Variants in ZNF529 observed in about 807,000 individuals in gnomAD.
ZNF529 encodes zinc finger protein 529.
ZNF529 carries 11 observed loss-of-function variants against 10.1 expected under a neutral mutation model. That is an observed-to-expected ratio of 1.09 (90% CI 0.69 to 1.81). The LOEUF (loss-of-function observed/expected upper bound fraction) is 1.81. Ranked by LOEUF, ZNF529 falls within the 40% of genes most tolerant of loss-of-function variation. ZNF529 has a pLI of 0.00. For synonymous variants in ZNF529, 204 were observed against 215.7 expected (o/e 0.95, Z 0.47); for missense variants, 624 against 666.8 (o/e 0.94, Z 0.71).
At chr19:36,597,491 T>C (rs1362540789) in intron 1 of ZNF529, among the ~76,000 whole-genome samples, 2 of 152,146 alleles carry the variant, frequency 1.3e-5, no homozygotes, top group Admixed American at 1.3e-4. Flanking sequence ...ACAACCACAG[T>C]GGAAATGTTT....
intron 1 of ZNF529, among the ~76,000 whole-genome samples, chr19:36,595,343 C>G (rs1487510571): frequency 1.3e-5 from 2 of 152,192 alleles, no homozygotes; most frequent in Non-Finnish European, 2.9e-5. Flanking sequence ...GTCATTTAAT[C>G]CTCATGCAGC....
intron 1 of ZNF529, among the ~76,000 whole-genome samples, chr19:36,596,323 C>T (rs1201488138): frequency 6.6e-6 from 1 of 151,980 alleles, no homozygotes; most frequent in Non-Finnish European, 1.5e-5. Flanking sequence ...CCACCTGCCT[C>T]AGCCTCCTAA....
At chr19:36,561,216 G>A (rs868514969) in intron 2 of ZNF529, among the ~76,000 whole-genome samples, 9 of 152,168 alleles carry the variant, frequency 5.9e-5, no homozygotes, top group Non-Finnish European at 1.0e-4. Flanking sequence ...CCCACATCCC[G>A]GCACAGTGCT....
chr19:36,572,296 C>G, intron 2 of ZNF529, 37 bp downstream of exon 2: 1 of 1,544,372 alleles, frequency 6.5e-7, no homozygotes, highest in Non-Finnish European at 8.7e-7. Context: ...AAGAGAAAAC[C>G]AAGGGACCAG....
chr19:36,599,082 T>C (rs1412943675), intron 1 of ZNF529, among the ~76,000 whole-genome samples: 2 of 152,182 alleles, frequency 1.3e-5, no homozygotes, highest in Non-Finnish European at 2.9e-5. Context: ...AAAAGATCAG[T>C]CTTGTTCCTT....
At chr19:36,600,905 A>G (rs551878582) in intron 1 of ZNF529, among the ~76,000 whole-genome samples, 1 of 152,282 alleles carries the variant, frequency 6.6e-6, no homozygotes, top group South Asian at 2.1e-4. Flanking sequence ...GTTAAAATCA[A>G]TCAGTTCACA....
chr19:36,572,480 A>T, intron 1 of ZNF529, 88 bp from the exon 2 acceptor site: 2 of 951,144 alleles, frequency 2.1e-6, no homozygotes, highest in East Asian at 2.7e-5. Context: ...AGCCCATCAC[A>T]CACAACAAAC....
At chr19:36,584,400 G>T (rs1425070427) in intron 2 of ZNF529, among the ~76,000 whole-genome samples, 1 of 152,106 alleles carries the variant, frequency 6.6e-6, no homozygotes, top group Non-Finnish European at 1.5e-5. Context: ...ATATGTTGGG[G>T]ATTCTGTTTA....
Position 36,573,251 on chromosome 19 carries a change from G to A in ZNF529, c.-158C>T, listed in dbSNP as rs1369608970. 6.5e-6 allele frequency: 2 copies of A among 308,092 alleles called. No homozygotes were observed. The highest frequency in any genetic ancestry group is 1.3e-5 in the Non-Finnish European group (2 of 148,892). The allele number at this position is 308,092 out of a possible 1,614,324, so 19.1% of individuals were successfully genotyped here. Reference sequence around the variant, plus strand: ...CACCGCGAGCTCCTCCCGCAGCCCGGCCCGGGTCACCTCGACTCGCCAGGC... The same window carrying A: ...CACCGCGAGCTCCTCCCGCAGCCCGACCCGGGTCACCTCGACTCGCCAGGC... On this transcript the variant is annotated 5_prime_UTR_variant, in exon 1 of 5. Transcript: ENST00000591340.
chr19:36,554,545 T>C, intron 4 of ZNF529, 125 bp downstream of exon 4: 1 of 812,488 alleles, frequency 1.2e-6, no homozygotes, highest in Non-Finnish European at 1.7e-6. Context: ...GTCACTGCAC[T>C]CCAACCTGGG....
chr19:36,601,486 A>G (rs2036922923), intron 1 of ZNF529, among the ~76,000 whole-genome samples: 1 of 152,096 alleles, frequency 6.6e-6, no homozygotes, highest in South Asian at 2.1e-4. Context: ...CAGGAGTTCC[A>G]GGCTGTAGTG....
At chr19:36,559,351 C>A (rs1057274687) in intron 2 of ZNF529, among the ~76,000 whole-genome samples, 1 of 152,244 alleles carries the variant, frequency 6.6e-6, no homozygotes, top group African/African-American at 2.4e-5. Context: ...CTCTTTCACC[C>A]ACGGTGGAGT....
At chr19:36,571,619 GAACTGA>G (rs2036113572) in intron 2 of ZNF529, among the ~76,000 whole-genome samples, 2 of 148,486 alleles carry the variant, frequency 1.3e-5, no homozygotes, top group African/African-American at 5.0e-5. Flanking sequence ...AGGTTGCAGT[GAACTGA>G]GATCGCACCA....
At chr19:36,587,148 C>A (rs1296156935) in intron 2 of ZNF529, among the ~76,000 whole-genome samples, 2 of 151,940 alleles carry the variant, frequency 1.3e-5, no homozygotes, top group African/African-American at 4.8e-5. Context: ...ACCTGTAATC[C>A]CAGCTACTCA....
chr19:36,558,954 T>A (rs1344871739), intron 2 of ZNF529, among the ~76,000 whole-genome samples: 2 of 150,256 alleles, frequency 1.3e-5, no homozygotes, highest in African/African-American at 4.9e-5. Context: ...AAAATCCAAT[T>A]AAAAAAATAA....
intron 1 of ZNF529, among the ~76,000 whole-genome samples, chr19:36,600,711 ATAAACAT>A (rs1344885216): frequency 3.3e-5 from 5 of 152,242 alleles, no homozygotes. Context: ...CATGAATAAA[ATAAACAT>A]ACAATAATTA....
chr19:36,572,043 T>C (rs1160172467), intron 2 of ZNF529, among the ~76,000 whole-genome samples: 5 of 147,508 alleles, frequency 3.4e-5, no homozygotes, highest in Non-Finnish European at 4.5e-5. Flanking sequence ...AGGTATCTAG[T>C]GTGCCATTCT....
chr19:36,572,756 TTATC>T (rs1429263892), intron 1 of ZNF529, among the ~76,000 whole-genome samples: 1 of 152,016 alleles, frequency 6.6e-6, no homozygotes, highest in Non-Finnish European at 1.5e-5. Flanking sequence ...TATCTATCAT[TTATC>T]TATCTTCTAT....
intron 2 of ZNF529, among the ~76,000 whole-genome samples, chr19:36,558,728 A>AT (rs1311615662): frequency 6.6e-6 from 1 of 152,084 alleles, no homozygotes; most frequent in African/African-American, 2.4e-5. Flanking sequence ...TCTTGCAATG[A>AT]TTTTTTAAAA....
Sources: gnomAD v4.1 joint callset for allele counts (sites outside exome capture counted in the v4.1 genomes callset) on GRCh38, gnomAD v4.1.1 for gene constraint, MANE v1.5 for transcripts, NCBI Gene and HGNC (gene_info 2026-07-23, HGNC 2026-07-21) for gene names.